Variants in GDF5 observed in about 807,000 individuals in gnomAD.
GDF5 encodes growth differentiation factor 5, also known as growth/differentiation factor 5.
A neutral mutation model predicts 34.6 loss-of-function variants in GDF5; 17 were observed. The observed-to-expected ratio is 0.49, with a 90% CI of 0.34 to 0.74. The LOEUF is 0.74. Among genes scored for constraint, GDF5 ranks in the 30% least tolerant of loss-of-function variants. The pLI, the probability that GDF5 is intolerant of heterozygous loss-of-function variation, is 0.01. For missense variants in GDF5, 616 were observed against 661.2 expected, an observed-to-expected ratio of 0.93 and a Z score of 0.75; for synonymous variants, 332 against 290.7, an observed-to-expected ratio of 1.14 and a Z score of -1.44.
At chr20:35,439,659 G>A (rs1391148894), upstream of GDF5, among the ~76,000 whole-genome samples, 1 of 152,084 alleles carries the variant, frequency 6.6e-6, no homozygotes, top group Non-Finnish European at 1.5e-5. Flanking sequence ...TAGAGCCCCT[G>A]GGCAACTTAA....
chr20:35,436,914 G>A (rs576632054), intron 1 of GDF5, among the ~76,000 whole-genome samples: 20 of 152,294 alleles, frequency 1.3e-4, no homozygotes, highest in South Asian at 2.1e-4. Context: ...TTTCTCTGCC[G>A]TCTGAGACCG....
intron 1 of GDF5, among the ~76,000 whole-genome samples, chr20:35,446,202 T>C (rs947873295): frequency 6.1e-5 from 9 of 146,444 alleles, no homozygotes; most frequent in African/African-American, 1.3e-4. Flanking sequence ...TCCAGCTATT[T>C]GGGAGTCTGA....
At chr20:35,452,266 T>G (rs1346328804) in intron 1 of GDF5, among the ~76,000 whole-genome samples, 1 of 152,222 alleles carries the variant, frequency 6.6e-6, no homozygotes, top group Non-Finnish European at 1.5e-5. Context: ...AACTTGTCCT[T>G]ACTACATTGT....
intron 1 of GDF5, among the ~76,000 whole-genome samples, chr20:35,443,289 G>A (rs1412183207): frequency 6.6e-6 from 1 of 152,118 alleles, no homozygotes; most frequent in African/African-American, 2.4e-5. Flanking sequence ...GGGACACAGC[G>A]TCCCTGGGTC....
In GDF5 at chr20:35,433,830, C is replaced by T. The variant is rs2062453788; in HGVS notation, c.*79G>A. The T allele has an allele frequency of 3.3e-6, 4 of 1,211,624 alleles. No individual in the cohort carries two copies. The highest frequency in any genetic ancestry group is 2.3e-5 in the East Asian group (1 of 43,062). The allele number at this position is 1,211,624 out of a possible 1,614,324, so 75.1% of individuals were successfully genotyped here. ...TGTGTAGATGCTCCTGCCACAGCTT[C>T]CTGACCCCTCTGTGATTCCAGGAGT... On this transcript the variant is annotated 3_prime_UTR_variant, in exon 2 of 2. Transcript: ENST00000374369.
chr20:35,438,901 C>CTG (rs1168271764), upstream of GDF5, among the ~76,000 whole-genome samples: 2 of 136,248 alleles, frequency 1.5e-5, no homozygotes, highest in South Asian at 2.3e-4. Context: ...GTGTGTGTGC[C>CTG]TGTGTGTGTG....
At position 35,444,156 on chromosome 20, in the gene GDF5, T is replaced by C. The variant is rs540329703; in HGVS notation, c.-397-2769A>G. ...AGGTAGAGTTCTGGGTATCTAGCCA[T>C]GGACAAGACAAACCAAGTGTTTTAT... On this transcript the variant is annotated intron_variant, in intron 1 of 3. Transcript: ENST00000374372. Among the ~76,000 whole-genome samples the C allele has an allele frequency of 7.2e-5, 11 of 152,210 alleles. No individual in the cohort carries two copies. The South Asian group carries it at 8.3e-4, about 11-fold the overall frequency.
chr20:35,434,307 A>G lies in GDF5; in HGVS notation c.1108T>C (p.Tyr370His), dbSNP rs1414679138. 1.2e-6 allele frequency: 2 copies of G among 1,614,012 alleles called. No individual in the cohort carries two copies. The highest frequency in any genetic ancestry group is 2.2e-5 in the East Asian group (1 of 44,898). Residue 370 changes from tyrosine to histidine, a missense_variant, in exon 2 of 2, where the codon TAT becomes CAT. Physicochemically the swap from Tyr to His is moderately conservative, Grantham distance 83 (BLOSUM62 2). Transcript: ENST00000374369. ...CGCCGCTGGCTGAACAGGTACTCAT[A>G]CACGGTCTTATCGTCCTGGCCAGAG... ...ARSGQDDKTV[Y>H]EYLFSQRRKR...
intron 1 of GDF5, among the ~76,000 whole-genome samples, chr20:35,446,859 C>A (rs1467545711): frequency 6.6e-6 from 1 of 151,192 alleles, no homozygotes; most frequent in East Asian, 2.0e-4. Context: ...GAGTCCCTTC[C>A]CTTTTCATCT....
In GDF5 at chr20:35,433,364, C is replaced by A; in HGVS notation, c.*545G>T. 3.1e-6 allele frequency: 1 copy of A among 318,208 alleles called. No individual in the cohort carries two copies. Among genetic ancestry groups the A allele is most frequent in the Non-Finnish European group, 6.2e-6 (1 of 160,452 alleles). The allele number at this position is 318,208 out of a possible 1,614,324, so 19.7% of individuals were successfully genotyped here. On this transcript the variant is annotated 3_prime_UTR_variant, in exon 2 of 2. Coordinates refer to ENST00000374369, the MANE Select transcript of GDF5 (RefSeq NM_000557.5). ...TGCCACAGTTTTAGGCACAGTTTTG[C>A]TTTTTATCTCATCAATATACATTTA...
chr20:35,437,948 T>C lies in GDF5; in HGVS notation c.-20A>G. On this transcript the variant is annotated 5_prime_UTR_variant, in exon 1 of 2. Coordinates refer to ENST00000374369, the MANE Select transcript of GDF5 (RefSeq NM_000557.5). ...TCTCATCCTCTGGCCAGCCGCTGAA[T>C]GACACCAAAGAGAACAGCGGCAGCA... 2 of 1,613,750 alleles carry C rather than the reference T, an allele frequency of 1.2e-6. No individual in the cohort carries two copies. The highest frequency in any genetic ancestry group is 1.7e-6 in the Non-Finnish European group (2 of 1,179,900).
chr20:35,439,104 GC>G (rs1402883033), upstream of GDF5, among the ~76,000 whole-genome samples: 1 of 151,874 alleles, frequency 6.6e-6, no homozygotes. Flanking sequence ...TCCTTGGATG[GC>G]GGCAGGTCCA....
chr20:35,433,347 T>G lies in GDF5; in HGVS notation c.*562A>C. On this transcript the variant is annotated 3_prime_UTR_variant, in exon 2 of 2. Coordinates refer to ENST00000374369, the MANE Select transcript of GDF5 (RefSeq NM_000557.5). ...GGAGTAAACAAGAAATTTGCCACAG[T>G]TTTAGGCACAGTTTTGCTTTTTATC... 3.1e-6 allele frequency: 1 copy of G among 320,480 alleles called. No individual in the cohort carries two copies. The highest frequency in any genetic ancestry group is 6.2e-6 in the Non-Finnish European group (1 of 161,660). 19.9% of individuals were successfully genotyped at this position (320,480 alleles called of 1,614,324 possible). A position where few individuals can be genotyped will look rare whatever the true frequency, so the allele number is the denominator to read the frequency against.
rs777456851 is a variant in GDF5 at position 35,434,643 on chromosome 20, C to A, written c.772G>T (p.Gly258Trp). The A allele has an allele frequency of 6.2e-7, 1 of 1,608,542 alleles. No homozygotes were observed. The highest frequency in any genetic ancestry group is 8.5e-7 in the Non-Finnish European group (1 of 1,176,166). ...DTAKPAAPGG[G>W]RAAQLKLSSC... ...GACAGCTTCAGCTGGGCAGCCCGCCCGCCTCCGGGGGCCGCTGGCTTGGCC... is the reference window on the plus strand; with the variant it reads ...GACAGCTTCAGCTGGGCAGCCCGCCAGCCTCCGGGGGCCGCTGGCTTGGCC... Residue 258 changes from glycine (G) to tryptophan (W), a missense_variant, in exon 2 of 2, where the codon GGG becomes TGG. By Grantham distance (184) the Gly-to-Trp change is radical (BLOSUM62 -2). Transcript: ENST00000374369.
chr20:35,452,615 T>C (rs1460521856), intron 1 of GDF5, among the ~76,000 whole-genome samples: 4 of 152,020 alleles, frequency 2.6e-5, no homozygotes. Flanking sequence ...AGAGATGGGG[T>C]TTCTCCCTGT....
At chr20:35,448,714 G>C (rs1601081713) in intron 1 of GDF5, among the ~76,000 whole-genome samples, 1 of 152,186 alleles carries the variant, frequency 6.6e-6, no homozygotes, top group East Asian at 1.9e-4. Context: ...AAAGTGCTGG[G>C]ATTACAGGCA....
At position 35,434,743 on chromosome 20, in the gene GDF5, A is replaced by G. The variant is rs779550578; in HGVS notation, c.672T>C (p.Phe224=). ...GPVVRKQRYV[F]DISALEKDGL... ...CATCCTTCTCCAGGGCACTAATGTC[A>G]AACACGTACCTCTGCTTCCTGACCA... Residue 224 remains phenylalanine (F), a synonymous_variant, in exon 2 of 2, where the codon TTT becomes TTC. Coordinates refer to ENST00000374369, the MANE Select transcript of GDF5 (RefSeq NM_000557.5). The G allele has an allele frequency of 3.1e-6, 5 of 1,611,324 alleles. No individual in the cohort carries two copies. The highest frequency in any genetic ancestry group is 1.7e-5 in the Admixed American group (1 of 60,022).
chr20:35,443,526 T>TTA (rs1373604000), intron 1 of GDF5, among the ~76,000 whole-genome samples: 48 of 130,690 alleles, frequency 3.7e-4, no homozygotes, highest in African/African-American at 1.4e-3. Context: ...TATTATTATT[T>TTA]TTGGAGACAG....
chr20:35,438,358 T>TCA (rs3055779), upstream of GDF5: 15,728 of 159,958 alleles, frequency 0.098, 999 homozygotes, highest in African/African-American at 0.18. Flanking sequence ...TGAAAATACT[T>TCA]CACACACACA....
Sources: allele counts gnomAD v4.1 joint callset (sites outside exome capture counted in the v4.1 genomes callset), GRCh38; gene constraint gnomAD v4.1.1; transcripts MANE v1.5; gene names NCBI Gene and HGNC (gene_info 2026-07-23, HGNC 2026-07-21).